Variants in KIF7 observed in about 807,000 individuals in gnomAD.
KIF7 encodes the protein kinesin-like protein KIF7.
Under a neutral mutation model 135.7 loss-of-function variants are expected in KIF7, and 104 were observed. The observed-to-expected ratio is 0.77, with a 90% CI of 0.65 to 0.90. The LOEUF (loss-of-function observed/expected upper bound fraction) is 0.90. KIF7 is among the 40% of genes least tolerant of loss of function. KIF7 has a pLI of 0.00. For missense variants in KIF7, 2,005 were observed against 1,839.1 expected (o/e 1.09, Z -1.65); for synonymous variants, 883 against 809.4 (o/e 1.09, Z -1.54).
rs757944322 is a variant in KIF7 at position 89,645,338 on chromosome 15, C to G, written c.2036G>C (p.Arg679Thr). 1 of 1,613,796 alleles carries G rather than the reference C, an allele frequency of 6.2e-7. No homozygotes were observed. Among genetic ancestry groups the G allele is most frequent in the African/African-American group, 1.3e-5 (1 of 75,048 alleles). Residue 679 changes from arginine (R) to threonine (T), a missense_variant and splice_region_variant, in exon 9 of 19, where the codon AGA (arginine) becomes ACA (threonine). Physicochemically the swap from Arg to Thr is moderately conservative, Grantham distance 71. Transcript: ENST00000394412. Reference protein sequence around the residue: ...EELDAAIPGSRAVGGSKARVQ... With the variant: ...EELDAAIPGSTAVGGSKARVQ... ...TCTCTGCATCCCACCCAGCTTACCTCTGGACCCTGGAATGGCTGCATCCAA... is the reference window on the plus strand; with the variant it reads ...TCTCTGCATCCCACCCAGCTTACCTGTGGACCCTGGAATGGCTGCATCCAA...
upstream of KIF7, among the ~76,000 whole-genome samples, chr15:89,659,913 C>G (rs1459313763): frequency 2.0e-4 from 31 of 152,154 alleles, no homozygotes; most frequent in Admixed American, 2.0e-3. Context: ...AATACGGAAA[C>G]AGGCCGGGCA....
At chr15:89,629,619 T>C (rs1274167311) in intron 16 of KIF7, 46 bp from the exon 17 acceptor site, 1 of 1,598,722 alleles carries the variant, frequency 6.3e-7, no homozygotes, top group Non-Finnish European at 8.5e-7. Flanking sequence ...TGACCCCTCT[T>C]CATCCAGCTA....
rs1964082404 is a variant in KIF7 at position 89,649,246 on chromosome 15, T to G, written c.651A>C (p.Ser217=). Residue 217 remains serine, a synonymous_variant, in exon 4 of 19, where the codon TCA becomes TCC. Coordinates refer to ENST00000394412, the MANE Select transcript of KIF7 (RefSeq NM_198525.3). ...CCAGGGTCACGGTGAAGACCGTGTG[T>G]GAGCGGCTAGACAGGTGGTTGAGGT... is the stretch of plus-strand genomic sequence containing the variant. ...ATHLNHLSSR[S]HTVFTVTLEQ... 3 of 1,540,380 alleles carry G rather than the reference T, an allele frequency of 1.9e-6. No homozygotes were observed. Among genetic ancestry groups the G allele is most frequent in the Non-Finnish European group, 2.6e-6 (3 of 1,140,616 alleles).
At chr15:89,622,225 A>G (rs1489415883) in intron 1 of KIF7, among the ~76,000 whole-genome samples, 1 of 151,996 alleles carries the variant, frequency 6.6e-6, no homozygotes. Flanking sequence ...ACCTCAAGTG[A>G]TCCACCTGCC....
At chr15:89,648,851 C>T (rs1046066400) in intron 4 of KIF7, 77 bp from the exon 5 acceptor site, 2 of 1,471,180 alleles carry the variant, frequency 1.4e-6, no homozygotes, top group Non-Finnish European at 1.8e-6. Flanking sequence ...CTGGGACCGG[C>T]TCCTGGCGCG....
chr15:89,643,668 C>T (rs1291560501), intron 10 of KIF7, among the ~76,000 whole-genome samples: 3 of 152,152 alleles, frequency 2.0e-5, no homozygotes, highest in Non-Finnish European at 2.9e-5. Flanking sequence ...GAGCGGATCA[C>T]GAGGTCAAGA....
chr15:89,635,785 T>C (rs2142006043), intron 11 of KIF7, among the ~76,000 whole-genome samples: 1 of 152,116 alleles, frequency 6.6e-6, no homozygotes, highest in East Asian at 1.9e-4. Context: ...TTCCCCAATC[T>C]AGCAAGGCAG....
intron 10 of KIF7, among the ~76,000 whole-genome samples, chr15:89,644,382 G>A (rs1963973020): frequency 6.6e-6 from 1 of 151,998 alleles, no homozygotes; most frequent in African/African-American, 2.4e-5. Flanking sequence ...CACTCGATAA[G>A]TAAGAAGAAG....
In KIF7 at chr15:89,649,005, G is replaced by C. The variant is rs1198671838; in HGVS notation, c.892C>G (p.His298Asp). 1 of 1,546,766 alleles carries C rather than the reference G, an allele frequency of 6.5e-7. No individual in the cohort carries two copies. Among genetic ancestry groups the C allele is most frequent in the Non-Finnish European group, 8.7e-7 (1 of 1,146,208 alleles). ...ALGDPQRRGSHIPYRDSKITR... is the reference protein window; with the variant it reads ...ALGDPQRRGSDIPYRDSKITR... ...ATCTTGGAGTCGCGGTAGGGTATGT[G>C]GCTGCCCCGGCGCTGAGGGTCCCCC... is the stretch of plus-strand genomic sequence containing the variant. The change falls in exon 4 of 19, where the codon CAC becomes GAC. Residue 298 changes from histidine to aspartate, a missense_variant. Coordinates refer to ENST00000394412, the MANE Select transcript of KIF7 (RefSeq NM_198525.3).
At position 89,628,677 on chromosome 15, in the gene KIF7, G is replaced by T. The variant is rs769455694; in HGVS notation, c.3774C>A (p.Ala1258=). 43 of 1,613,058 alleles carry T rather than the reference G, an allele frequency of 2.7e-5. No individual in the cohort carries two copies. Among genetic ancestry groups the T allele is most frequent in the Non-Finnish European group, 3.5e-5 (41 of 1,179,892 alleles). Reference sequence around the variant, plus strand: ...CCCGCGTCTCCTCCCGGGTGCGGGGGGCCCCCTCAGTGAGGGGGGACAGCC... The same window carrying T: ...CCCGCGTCTCCTCCCGGGTGCGGGGTGCCCCCTCAGTGAGGGGGGACAGCC... ...LLWLSPLTEG[A]PRTREETRDL... Residue 1258 remains alanine, a synonymous_variant, in exon 19 of 19, where the codon GCC becomes GCA. Coordinates refer to ENST00000394412, the MANE Select transcript of KIF7 (RefSeq NM_198525.3).
At position 89,631,676 on chromosome 15, in the gene KIF7, C is replaced by G; in HGVS notation, c.2930G>C (p.Arg977Pro). 1 of 1,558,038 alleles carries G rather than the reference C, an allele frequency of 6.4e-7. No individual in the cohort carries two copies. The highest frequency in any genetic ancestry group is 8.7e-7 in the Non-Finnish European group (1 of 1,149,754). ...LNEDIVRVSSRLEHLEKELSE... is the reference protein window; with the variant it reads ...LNEDIVRVSSPLEHLEKELSE... ...CAGCTCCTTCTCCAGGTGCTCCAGC[C>G]GGCTGGACACTCGCACGATGTCCTC... The change falls in exon 15 of 19, where the codon CGG (arginine) becomes CCG (proline). Residue 977 changes from arginine to proline, a missense_variant. Coordinates refer to ENST00000394412, the MANE Select transcript of KIF7 (RefSeq NM_198525.3).
intron 2 of KIF7, chr15:89,617,977 A>C: frequency 1.4e-6 from 1 of 708,636 alleles, no homozygotes; most frequent in South Asian, 1.7e-5. Context: ...CAGGCGTGAG[A>C]CACTGTGGCC....
Position 89,642,401 on chromosome 15 carries a change from C to G in KIF7, c.2196G>C (p.Lys732Asn), listed in dbSNP as rs747991488. Residue 732 changes from lysine to asparagine, a missense_variant, in exon 11 of 19, where the codon AAG (lysine) becomes AAC (asparagine). Coordinates refer to ENST00000394412, the MANE Select transcript of KIF7 (RefSeq NM_198525.3). ...GCTGGCGGTTCAGGGCCTGAGCTGC[C>G]TTTCCTGGAAGAAAGCGGGAATGTC... ...ELIGELVRTG[K>N]AAQALNRQHS... is the part of the protein sequence containing the mutation. 2 of 1,598,636 alleles carry G rather than the reference C, an allele frequency of 1.3e-6. No homozygotes were observed. The highest frequency in any genetic ancestry group is 8.5e-7 in the Non-Finnish European group (1 of 1,173,316).
intron 7 of KIF7, 80 bp from the exon 8 acceptor site, chr15:89,646,106 C>T (rs1964008627): frequency 3.2e-6 from 5 of 1,555,726 alleles, no homozygotes; most frequent in East Asian, 2.2e-5. Flanking sequence ...TCATATCTCT[C>T]CCTCCTCAAG....
At chr15:89,661,689 G>A in the KIF7 span, among the ~76,000 whole-genome samples, 1 of 152,016 alleles carries the variant, frequency 6.6e-6, no homozygotes, top group Non-Finnish European at 1.5e-5. Context: ...TTACAGAAAA[G>A]CTTAGAAGAA....
In KIF7 at chr15:89,645,415, T is replaced by C. The variant is rs1234199416; in HGVS notation, c.1959A>G (p.Ala653=). 1 of 1,613,968 alleles carries C rather than the reference T, an allele frequency of 6.2e-7. No individual in the cohort carries two copies. Among genetic ancestry groups the C allele is most frequent in the East Asian group, 2.2e-5 (1 of 44,858 alleles). ...RISNCSQRAG[A]RPGSLPERKG... ...TCCTCTCTGGCAGACTCCCTGGGCG[T>C]GCCCCCGCCCTCTGACTGCAGTTGC... The change falls in exon 9 of 19, where the codon GCA becomes GCG. Residue 653 remains alanine (A), a synonymous_variant. Coordinates refer to ENST00000394412, the MANE Select transcript of KIF7 (RefSeq NM_198525.3).
intron 10 of KIF7, among the ~76,000 whole-genome samples, chr15:89,643,418 C>G (rs1963956669): frequency 6.6e-6 from 1 of 152,052 alleles, no homozygotes; most frequent in Non-Finnish European, 1.5e-5. Flanking sequence ...TTTACTAAAC[C>G]TTTTTTGAGC....
rs1382405505 is a variant in KIF7, at chr15:89,642,191, C to CCCGAGACT, written c.2394+4_2394+11dup. Reference sequence around the variant, plus strand: ...TCACCCCAGCACCCCACCCTGAGGCCCCGAGACTAACCTGCACCTGGCTCT... The same window carrying CCCGAGACT: ...TCACCCCAGCACCCCACCCTGAGGCCCCGAGACTCCGAGACTAACCTGCACCTGGCTCT... On this transcript the variant is annotated intron_variant, in intron 11 of 18. Transcript: ENST00000394412. 5.0e-6 allele frequency: 8 copies of CCCGAGACT among 1,608,834 alleles called. No individual in the cohort carries two copies. The highest frequency in any genetic ancestry group is 6.8e-6 in the Non-Finnish European group (8 of 1,179,018).
In KIF7 at chr15:89,645,020, G is replaced by A. The variant is rs764496501; in HGVS notation, c.2184C>T (p.Val728=). 1.2e-6 allele frequency: 2 copies of A among 1,608,108 alleles called. No individual in the cohort carries two copies. The highest frequency in any genetic ancestry group is 1.7e-6 in the Non-Finnish European group (2 of 1,179,996). Residue 728 remains valine (V), a synonymous_variant, in exon 10 of 19, where the codon GTC becomes GTT. Coordinates refer to ENST00000394412, the MANE Select transcript of KIF7 (RefSeq NM_198525.3). ...CTGATGCCCACGCCTCACCTGTGCG[G>A]ACCAGCTCGCCAATAAGCTCCTCCT... The part of the protein sequence containing the change: ...RMKEELIGEL[V]RTGKAAQALN...
Sources: gnomAD v4.1 joint callset for allele counts (sites outside exome capture counted in the v4.1 genomes callset) on GRCh38, gnomAD v4.1.1 for gene constraint, MANE v1.5 for transcripts, NCBI Gene and HGNC (gene_info 2026-07-23, HGNC 2026-07-21) for gene names.